Variants in TRABD2B observed in about 807,000 individuals in gnomAD.
The protein encoded by TRABD2B is metalloprotease TIKI2.
TRABD2B carries 14 observed loss-of-function variants against 40.1 expected under a neutral mutation model. The ratio of observed to expected loss-of-function variants is 0.35; its 90% CI spans 0.23 to 0.55. The LOEUF (loss-of-function observed/expected upper bound fraction) is 0.55, where lower values mean the gene tolerates loss of function less well. Among genes scored for constraint, TRABD2B ranks in the 20% least tolerant of loss-of-function variants. TRABD2B has a pLI of 0.90. For synonymous variants in TRABD2B, 263 were observed against 277.0 expected (o/e 0.95, Z 0.50); for missense variants, 541 against 648.6 (o/e 0.83, Z 1.80).
At position 47,813,418 on chromosome 1, in the gene TRABD2B, G is replaced by T. The variant is rs551431411; in HGVS notation, c.667-11799C>A. On this transcript the variant is annotated intron_variant, in intron 2 of 6. Transcript: ENST00000606738. This position sits in a 1 kb window ranked among gnomAD's most constrained non-coding sequence, Gnocchi z 4.3. Reference sequence around the variant, plus strand: ...ATACTGATGAGAGAAATTGTAACATGCCTCTCTGTTTGTCTGCTAAGCCAC... The same window carrying T: ...ATACTGATGAGAGAAATTGTAACATTCCTCTCTGTTTGTCTGCTAAGCCAC... Among the ~76,000 whole-genome samples, 2 of 152,294 alleles carry T rather than the reference G, an allele frequency of 1.3e-5. No individual in the cohort carries two copies. The highest frequency in any genetic ancestry group is 4.8e-5 in the African/African-American group (2 of 41,556).
intron 2 of TRABD2B, among the ~76,000 whole-genome samples, chr1:47,855,804 C>T (rs1643884146): frequency 6.6e-6 from 1 of 152,204 alleles, no homozygotes; most frequent in South Asian, 2.1e-4. Flanking sequence ...TGAGGGCACA[C>T]TAGAAGACAG....
chr1:47,770,433 C>G (rs1013874405), intron 6 of TRABD2B, among the ~76,000 whole-genome samples: 1 of 152,226 alleles, frequency 6.6e-6, no homozygotes, highest in African/African-American at 2.4e-5. Context: ...AATGCCTTCA[C>G]GCTTTGCTCA....
chr1:47,801,525 T>G lies in TRABD2B; in HGVS notation c.761A>C (p.His254Pro). 1 of 1,536,088 alleles carries G rather than the reference T, an allele frequency of 6.5e-7. No individual in the cohort carries two copies. The highest frequency in any genetic ancestry group is 8.7e-7 in the Non-Finnish European group (1 of 1,146,900). Residue 254 changes from histidine (H) to proline (P), a missense_variant, in exon 3 of 7, where the codon CAC becomes CCC. His to Pro is a moderately conservative substitution (Grantham distance 77, BLOSUM62 -2). Around this residue, in one of 2 missense-constraint regions of TRABD2B, gnomAD observed 369 missense variants for 492.8 expected, o/e 0.75. Coordinates refer to ENST00000606738, the MANE Select transcript of TRABD2B (RefSeq NM_001194986.2). ...TGCGCTGAGGTCTCCGCAGTTGTAG[T>G]GCTTGATGAGGTCCTCCGTGGTGTA... is the stretch of plus-strand genomic sequence containing the variant. ...ASYTTEDLIK[H>P]YNCGDLSAVI...
intron 2 of TRABD2B, among the ~76,000 whole-genome samples, chr1:47,927,481 T>G (rs1314696038): frequency 6.6e-6 from 1 of 152,222 alleles, no homozygotes; most frequent in Non-Finnish European, 1.5e-5. Context: ...AGCTGGCTCC[T>G]TCTCAGAGCA....
At chr1:47,847,834 T>C (rs894866647) in intron 2 of TRABD2B, among the ~76,000 whole-genome samples, 2 of 152,222 alleles carry the variant, frequency 1.3e-5, no homozygotes, top group African/African-American at 2.4e-5. Flanking sequence ...GGAAACGGCA[T>C]ATAAAACTCA....
chr1:47,807,984 G>A (rs1644914805), intron 2 of TRABD2B, among the ~76,000 whole-genome samples: 1 of 152,194 alleles, frequency 6.6e-6, no homozygotes, highest in South Asian at 2.1e-4. Flanking sequence ...GTGTCAACTT[G>A]GTTAGGCCAC....
chr1:47,929,201 T>C (rs1156250735), intron 2 of TRABD2B, among the ~76,000 whole-genome samples: 1 of 152,198 alleles, frequency 6.6e-6, no homozygotes, highest in Non-Finnish European at 1.5e-5. Flanking sequence ...GAGCACAGAA[T>C]TTACAGAGGT....
At chr1:47,923,698 G>A (rs559907872) in intron 2 of TRABD2B, among the ~76,000 whole-genome samples, 4 of 152,106 alleles carry the variant, frequency 2.6e-5, no homozygotes, top group South Asian at 2.1e-4. Flanking sequence ...CTTCTATAAC[G>A]TGGGTGGGCC....
intron 2 of TRABD2B, among the ~76,000 whole-genome samples, chr1:47,915,163 G>A (rs1037494754): frequency 3.3e-5 from 5 of 152,206 alleles, no homozygotes; most frequent in Non-Finnish European, 7.3e-5. Flanking sequence ...CAAGGAATGA[G>A]GAGATTAGGT....
At chr1:47,877,358 T>C (rs1570186758) in intron 2 of TRABD2B, among the ~76,000 whole-genome samples, 1 of 152,092 alleles carries the variant, frequency 6.6e-6, no homozygotes, top group South Asian at 2.1e-4. Flanking sequence ...CAGGGGATGG[T>C]GATCTACTCT....
At chr1:47,884,725 C>A (rs892305501) in intron 2 of TRABD2B, among the ~76,000 whole-genome samples, 6 of 152,142 alleles carry the variant, frequency 3.9e-5, no homozygotes, top group African/African-American at 1.4e-4. Flanking sequence ...AAGCGATTCT[C>A]CAGCCTCAGC....
At chr1:47,814,310 G>A (rs1645002390) in intron 2 of TRABD2B, among the ~76,000 whole-genome samples, 2 of 152,234 alleles carry the variant, frequency 1.3e-5, no homozygotes, top group South Asian at 4.1e-4. Flanking sequence ...CGGACAATGG[G>A]ATGCCACTGA....
chr1:47,815,648 T>C (rs1053056029), intron 2 of TRABD2B, among the ~76,000 whole-genome samples: 7 of 152,094 alleles, frequency 4.6e-5, no homozygotes, highest in Non-Finnish European at 8.8e-5. Context: ...TTATTTGTCT[T>C]CCTCTTGTGT....
chr1:47,896,531 C>A (rs879648542), intron 2 of TRABD2B, among the ~76,000 whole-genome samples: 1 of 152,184 alleles, frequency 6.6e-6, no homozygotes, highest in Non-Finnish European at 1.5e-5. Flanking sequence ...ATGGAAAAGG[C>A]CTCAGATATT....
chr1:47,762,780 T>C lies in TRABD2B; in HGVS notation c.*3122A>G, dbSNP rs1018199252. On this transcript the variant is annotated 3_prime_UTR_variant, in exon 7 of 7. Coordinates refer to ENST00000606738, the MANE Select transcript of TRABD2B (RefSeq NM_001194986.2). ...ACTGTGGATGACAGGGCTCTCCCTG[T>C]CTTCATCTGGCTGCTGGTGCATCAG... The C allele has an allele frequency of 6.6e-6, 1 of 152,116 alleles. No homozygotes were observed. Among genetic ancestry groups the C allele is most frequent in the African/African-American group, 2.4e-5 (1 of 41,416 alleles). The allele number at this position is 152,116 out of a possible 1,614,324, so 9.4% of individuals were successfully genotyped here.
intron 2 of TRABD2B, among the ~76,000 whole-genome samples, chr1:47,918,982 G>A (rs1644865672): frequency 1.3e-5 from 2 of 152,200 alleles, no homozygotes; most frequent in Non-Finnish European, 2.9e-5. Flanking sequence ...CATTCTTACA[G>A]GCCCTGTTGG....
intron 2 of TRABD2B, among the ~76,000 whole-genome samples, chr1:47,808,734 T>G (rs146863224): frequency 6.6e-6 from 1 of 151,878 alleles, no homozygotes; most frequent in Non-Finnish European, 1.5e-5. Context: ...AACTAACGAG[T>G]TAGGATTCAA....
At chr1:47,906,790 C>T (rs1570259656) in intron 2 of TRABD2B, among the ~76,000 whole-genome samples, 1 of 152,326 alleles carries the variant, frequency 6.6e-6, no homozygotes, top group African/African-American at 2.4e-5. Flanking sequence ...ACCTTAAAAG[C>T]AAAAGACAGC....
At chr1:47,812,494 G>A (rs1391189602) in intron 2 of TRABD2B, among the ~76,000 whole-genome samples, 2 of 152,166 alleles carry the variant, frequency 1.3e-5, no homozygotes, top group East Asian at 3.9e-4. Flanking sequence ...TTGCGGGGCT[G>A]AGGCAGGAGG....
Sources: allele counts gnomAD v4.1 joint callset (sites outside exome capture counted in the v4.1 genomes callset), GRCh38; gene constraint gnomAD v4.1.1; regional missense constraint gnomAD v4.1.1; non-coding constraint Gnocchi (gnomAD v3.1); transcripts MANE v1.5; gene names NCBI Gene and HGNC (gene_info 2026-07-23, HGNC 2026-07-21).